KHDRBS2: variants seen among roughly 807,000 people sequenced by gnomAD.
The protein encoded by KHDRBS2 is KH domain-containing, RNA-binding, signal transduction-associated protein 2.
Under a neutral mutation model 44.3 loss-of-function variants are expected in KHDRBS2, and 26 were observed. That is an observed-to-expected ratio of 0.59 (90% CI 0.43 to 0.81). The LOEUF is 0.81. KHDRBS2 is among the 40% of genes least tolerant of loss of function. KHDRBS2 has a pLI of 0.00. For synonymous variants in KHDRBS2, 194 were observed against 151.1 expected, an observed-to-expected ratio of 1.28 and a Z score of -2.08; for missense variants, 476 against 433.1, an observed-to-expected ratio of 1.10 and a Z score of -0.88.
intron 1 of KHDRBS2, among the ~76,000 whole-genome samples, chr6:62,227,583 A>G (rs1291093228): frequency 3.9e-5 from 6 of 152,156 alleles, no homozygotes; most frequent in Non-Finnish European, 5.9e-5. Flanking sequence ...AGTAAGAGAC[A>G]GCATCCTTGT....
At chr6:62,057,740 T>G (rs1790622397) in intron 2 of KHDRBS2, among the ~76,000 whole-genome samples, 1 of 151,926 alleles carries the variant, frequency 6.6e-6, no homozygotes, top group Admixed American at 6.6e-5. Context: ...TTCAAATAAT[T>G]TCAAGGTATT....
chr6:61,810,031 T>C (rs62416611), intron 6 of KHDRBS2, among the ~76,000 whole-genome samples: 19,421 of 152,008 alleles, frequency 0.13, 1,568 homozygotes, highest in Non-Finnish European at 0.19. Context: ...TTAAATAAGG[T>C]AGACTATGAC....
chr6:61,571,204 CT>C, the KHDRBS2 span, among the ~76,000 whole-genome samples: 2 of 151,944 alleles, frequency 1.3e-5, no homozygotes, highest in African/African-American at 2.4e-5. Flanking sequence ...CTCACATAAA[CT>C]TATGGTAAAG....
chr6:61,901,043 T>A (rs190782799), intron 5 of KHDRBS2, among the ~76,000 whole-genome samples: 2 of 152,328 alleles, frequency 1.3e-5, no homozygotes, highest in East Asian at 3.9e-4. Context: ...ATGCTATTTA[T>A]CTCCTAGTAT....
the KHDRBS2 span, among the ~76,000 whole-genome samples, chr6:61,571,489 A>G: frequency 4.0e-5 from 6 of 149,408 alleles, no homozygotes; most frequent in Middle Eastern, 3.5e-3. Flanking sequence ...TTGATATTCC[A>G]CTGACAGCAA....
chr6:62,167,872 T>C (rs1034441937), intron 2 of KHDRBS2, among the ~76,000 whole-genome samples: 2 of 152,140 alleles, frequency 1.3e-5, no homozygotes, highest in African/African-American at 4.8e-5. Flanking sequence ...AGTTTCCACA[T>C]TTAGGAACTA....
At chr6:62,123,176 G>T (rs1186760606) in intron 2 of KHDRBS2, among the ~76,000 whole-genome samples, 2 of 152,098 alleles carry the variant, frequency 1.3e-5, no homozygotes, top group Non-Finnish European at 2.9e-5. Context: ...GTGATAGTTT[G>T]CTAAGAATGA....
At chr6:61,789,911 AATT>A (rs970981125) in intron 6 of KHDRBS2, among the ~76,000 whole-genome samples, 1 of 151,498 alleles carries the variant, frequency 6.6e-6, no homozygotes, top group African/African-American at 2.4e-5. Context: ...AGTAAGGCTC[AATT>A]ATTAATTAGG....
Position 62,223,687 on chromosome 6 carries a change from C to T in KHDRBS2, c.92-46375G>A, listed in dbSNP as rs542196642. 1.9e-4 allele frequency among the ~76,000 whole-genome samples: 29 copies of T among 152,228 alleles called. 1 individual carries two copies. Among genetic ancestry groups the T allele is most frequent in the Admixed American group, 1.8e-3 (28 of 15,288 alleles). ...TGCTTTGCTGCTTAGAAGTTTCTTC[C>T]ACCAGATACCCTAAATCATCTCTCC... On this transcript the variant is annotated intron_variant, in intron 1 of 8. Transcript: ENST00000281156.
chr6:61,904,593 C>T (rs772086180), intron 4 of KHDRBS2, among the ~76,000 whole-genome samples: 2 of 152,166 alleles, frequency 1.3e-5, no homozygotes, highest in African/African-American at 4.8e-5. Context: ...AAGCTTCTCC[C>T]AGCTGATAAC....
chr6:62,111,873 C>A (rs903630615), intron 2 of KHDRBS2, among the ~76,000 whole-genome samples: 3 of 151,952 alleles, frequency 2.0e-5, no homozygotes, highest in Non-Finnish European at 4.4e-5. Context: ...CAGATTGAGA[C>A]CCTGTCTTTA....
At chr6:62,188,379 T>C (rs534908319) in intron 1 of KHDRBS2, among the ~76,000 whole-genome samples, 5 of 152,142 alleles carry the variant, frequency 3.3e-5, no homozygotes, top group Non-Finnish European at 5.9e-5. Context: ...ATTTTAGATA[T>C]CAGATGTAAG....
At chr6:62,138,139 A>C (rs759445350) in intron 2 of KHDRBS2, among the ~76,000 whole-genome samples, 1 of 152,180 alleles carries the variant, frequency 6.6e-6, no homozygotes, top group Non-Finnish European at 1.5e-5. Flanking sequence ...GAGTTCAAGC[A>C]ATCATATGAA....
intron 6 of KHDRBS2, among the ~76,000 whole-genome samples, chr6:61,829,696 T>C (rs1000437573): frequency 1.3e-5 from 2 of 152,164 alleles, no homozygotes; most frequent in Non-Finnish European, 2.9e-5. Flanking sequence ...ATGGTGTCCA[T>C]AAACTCATGT....
intron 1 of KHDRBS2, among the ~76,000 whole-genome samples, chr6:62,239,351 T>A (rs1333278061): frequency 1.3e-5 from 2 of 152,018 alleles, no homozygotes; most frequent in Non-Finnish European, 1.5e-5. Flanking sequence ...GGAGGGTGGA[T>A]CATTTGAGGT....
chr6:61,706,779 C>T (rs989569098), intron 7 of KHDRBS2, among the ~76,000 whole-genome samples: 5 of 151,706 alleles, frequency 3.3e-5, no homozygotes, highest in African/African-American at 1.2e-4. Context: ...TGAATGTTTT[C>T]AACCTACTTT....
the KHDRBS2 span, among the ~76,000 whole-genome samples, chr6:61,589,354 G>A: frequency 6.6e-6 from 1 of 152,284 alleles, no homozygotes; most frequent in East Asian, 1.9e-4. Context: ...CAGAAAGAAT[G>A]AAAGTCACTA....
intron 6 of KHDRBS2, among the ~76,000 whole-genome samples, chr6:61,883,807 ACT>A (rs1562365643): frequency 6.6e-6 from 1 of 152,036 alleles, no homozygotes; most frequent in African/African-American, 2.4e-5. Context: ...AAGAAACAAA[ACT>A]CTGCAATGCA....
intron 6 of KHDRBS2, among the ~76,000 whole-genome samples, chr6:61,848,453 GA>G (rs1439558386): frequency 1.6e-5 from 2 of 124,184 alleles, no homozygotes; most frequent in Non-Finnish European, 3.3e-5. Context: ...AGGTTATATT[GA>G]GAGAAATGGA....
Sources: gnomAD v4.1 joint callset for allele counts (sites outside exome capture counted in the v4.1 genomes callset) on GRCh38, gnomAD v4.1.1 for gene constraint, MANE v1.5 for transcripts, NCBI Gene and HGNC (gene_info 2026-07-23, HGNC 2026-07-21) for gene names.